The following VIT variants were observed in gnomAD, a reference collection of about 807,000 sequenced individuals.
VIT encodes the protein vitrin.
Under a neutral mutation model 78.0 loss-of-function variants are expected in VIT, and 99 were observed. The observed-to-expected ratio is 1.27, with a 90% CI of 1.08 to 1.50. The LOEUF is 1.50. VIT is among the 40% of genes most tolerant of loss of function. The pLI is 0.00. For synonymous variants in VIT, 374 were observed against 334.3 expected (o/e 1.12, Z -1.29); for missense variants, 1,126 against 875.3 (o/e 1.29, Z -3.61).
At chr2:36,741,447 T>C (rs535518807) in intron 3 of VIT, among the ~76,000 whole-genome samples, 2 of 152,256 alleles carry the variant, frequency 1.3e-5, no homozygotes, top group African/African-American at 4.8e-5. Context: ...CAGCAGAAGT[T>C]CCCTGTTGGC....
In VIT at chr2:36,814,542, A is replaced by G. The variant is rs945901615; in HGVS notation, c.*181A>G. On this transcript the variant is annotated 3_prime_UTR_variant, in exon 16 of 16. Coordinates refer to ENST00000379242, the MANE Select transcript of VIT (RefSeq NM_053276.4). ...TATTCCAAAACTTGGAGTTACAAAG[A>G]TGATCACAAACGTATAGAATGAGCC... 5.3e-6 allele frequency: 4 copies of G among 757,400 alleles called. No homozygotes were observed. Among genetic ancestry groups the G allele is most frequent in the Non-Finnish European group, 8.2e-6 (4 of 489,692 alleles). The allele number at this position is 757,400 out of a possible 1,614,324, so 46.9% of individuals were successfully genotyped here.
rs149116475 is a variant in VIT at position 36,741,033 on chromosome 2, C to G, written c.119-2067C>G. 2.1e-3 allele frequency among the ~76,000 whole-genome samples: 327 copies of G among 152,350 alleles called. 1 individual carries two copies. The highest frequency in any genetic ancestry group is 3.5e-3 in the Non-Finnish European group (237 of 68,038). Reference sequence around the variant, plus strand: ...TTTAATCTTAATGCACACAGCTTGTCACTTCCTATTTCAAAAAATTAAGAA... The same window carrying G: ...TTTAATCTTAATGCACACAGCTTGTGACTTCCTATTTCAAAAAATTAAGAA... On this transcript the variant is annotated intron_variant, in intron 3 of 15. Transcript: ENST00000379242.
chr2:36,805,518 GT>G lies in VIT; in HGVS notation c.1244del (p.Val415GlyfsTer76). On this transcript the variant is annotated frameshift_variant, in exon 14 of 16. Transcript: ENST00000379242. LOFTEE classifies it high-confidence loss of function. ...AAGCGGGGCTCCCAATGTGGTGGTG[GT>G]GATGGTGGATGGCTGGCCCACGGAC... ...NRSGAPNVVVVMVDGWPTDKV... is the reference protein window; with the variant it reads ...NRSGAPNVVVXMVDGWPTDKV... The G allele has an allele frequency of 6.2e-7, 1 of 1,614,108 alleles. No individual in the cohort carries two copies. The highest frequency in any genetic ancestry group is 1.3e-5 in the African/African-American group (1 of 75,018).
At chr2:36,713,458 G>T (rs1360138140) in intron 1 of VIT, among the ~76,000 whole-genome samples, 7 of 152,234 alleles carry the variant, frequency 4.6e-5, no homozygotes, top group Non-Finnish European at 8.8e-5. Flanking sequence ...AAAGACTTCG[G>T]CTTTTCTTCT....
intron 5 of VIT, among the ~76,000 whole-genome samples, chr2:36,756,175 C>T (rs1417780663): frequency 6.6e-6 from 1 of 152,044 alleles, no homozygotes; most frequent in East Asian, 1.9e-4. Flanking sequence ...TCAGGCTGGT[C>T]TCGAGCTCCT....
At chr2:36,801,014 G>A (rs1317612300) in intron 12 of VIT, among the ~76,000 whole-genome samples, 2 of 152,236 alleles carry the variant, frequency 1.3e-5, no homozygotes, top group South Asian at 2.1e-4. Flanking sequence ...TAGCAATATG[G>A]GTGTTATAAC....
intron 11 of VIT, among the ~76,000 whole-genome samples, chr2:36,786,338 C>G (rs2148630959): frequency 6.6e-6 from 1 of 152,306 alleles, no homozygotes. Flanking sequence ...GATATCATTC[C>G]TGTCTACCGC....
chr2:36,773,764 G>A (rs1187454551), intron 7 of VIT, 27 bp from the exon 8 acceptor site: 1 of 1,547,582 alleles, frequency 6.5e-7, no homozygotes, highest in South Asian at 1.3e-5. Context: ...TAAAATTCAT[G>A]CTCTGACCAG....
chr2:36,775,007 CA>C lies in VIT; in HGVS notation c.745del (p.Arg249GlyfsTer32), dbSNP rs1558561221. On this transcript the variant is annotated frameshift_variant, in exon 9 of 16. Transcript: ENST00000379242. LOFTEE classifies it high-confidence loss of function. The stretch of plus-strand genomic sequence containing the variant: ...ACCCTGTGTAATCCCCTCAGGTATC[CA>C]AAGGCAAGATCCTTCAGGAGCTGCC... ...QNRPRADPGIQRQDPSGAAFQ... is the reference protein window; with the variant it reads ...QNRPRADPGIXRQDPSGAAFQ... 2 of 1,614,104 alleles carry C rather than the reference CA, an allele frequency of 1.2e-6. No homozygotes were observed. The highest frequency in any genetic ancestry group is 1.7e-6 in the Non-Finnish European group (2 of 1,180,002).
intron 1 of VIT, among the ~76,000 whole-genome samples, chr2:36,698,751 C>T (rs1421839132): frequency 6.6e-6 from 1 of 152,106 alleles, no homozygotes; most frequent in Non-Finnish European, 1.5e-5. Flanking sequence ...CGAGACCAGC[C>T]TGGCCAACAT....
rs150137117 is a variant in VIT at position 36,768,812 on chromosome 2, A to T, written c.679+1527A>T. Among the ~76,000 whole-genome samples the T allele has an allele frequency of 3.0e-3, 450 of 152,314 alleles. 2 individuals are homozygous for T. The highest frequency in any genetic ancestry group is 0.01 in the African/African-American group (435 of 41,566). On this transcript the variant is annotated intron_variant, in intron 7 of 15. Transcript: ENST00000379242. ...AACTTCTTCTTGAATTAATAATAAC[A>T]GAATGCATGTAGTACATATATCTCA...
At chr2:36,763,895 G>T (rs4670602) in intron 6 of VIT, among the ~76,000 whole-genome samples, 1 of 152,166 alleles carries the variant, frequency 6.6e-6, no homozygotes, top group Non-Finnish European at 1.5e-5. Context: ...AAAGACAGTT[G>T]TAATCCATGA....
chr2:36,809,072 T>C, intron 15 of VIT, 87 bp downstream of exon 15: 1 of 1,486,322 alleles, frequency 6.7e-7, no homozygotes, highest in Non-Finnish European at 9.0e-7. Context: ...ATTGTCTTTT[T>C]ATGCATTGGT....
At position 36,731,630 on chromosome 2, in the gene VIT, G is replaced by GA. The variant is rs1373786898; in HGVS notation, c.118+2147dup. The stretch of plus-strand genomic sequence containing the variant: ...TAAAAGTAAGGGCTATTATTACTAT[G>GA]AAAAAAAAGAAGAATTGATATTGGG... On this transcript the variant is annotated intron_variant, in intron 3 of 15. Coordinates refer to ENST00000379242, the MANE Select transcript of VIT (RefSeq NM_053276.4). Among the ~76,000 whole-genome samples, 12 of 151,700 alleles carry GA rather than the reference G, an allele frequency of 7.9e-5. No individual in the cohort carries two copies. The East Asian group carries it at 2.1e-3, about 27-fold the overall frequency.
At chr2:36,757,363 A>G (rs1159793758) in intron 5 of VIT, among the ~76,000 whole-genome samples, 1 of 152,238 alleles carries the variant, frequency 6.6e-6, no homozygotes, top group African/African-American at 2.4e-5. Context: ...GTCCAGGGAT[A>G]TGAAATGTCA....
At chr2:36,712,120 A>C (rs989778825) in intron 1 of VIT, among the ~76,000 whole-genome samples, 1 of 151,752 alleles carries the variant, frequency 6.6e-6, no homozygotes, top group Non-Finnish European at 1.5e-5. Context: ...CCTCATGCTC[A>C]GCCTTGGCAA....
At chr2:36,701,239 T>A (rs1665037926) in intron 1 of VIT, among the ~76,000 whole-genome samples, 1 of 152,140 alleles carries the variant, frequency 6.6e-6, no homozygotes, top group South Asian at 2.1e-4. Context: ...TTGGATAATC[T>A]CCTTTTTGGG....
rs1026129749 is a variant in VIT, at chr2:36,748,033, G to T, written c.275+4777G>T. 5.9e-5 allele frequency among the ~76,000 whole-genome samples: 9 copies of T among 152,256 alleles called. No homozygotes were observed. The South Asian group carries it at 1.0e-3, about 18-fold the overall frequency. On this transcript the variant is annotated intron_variant, in intron 4 of 15. Transcript: ENST00000379242. ...TTTTGTTGGGATTTCTTTTCTTTAA[G>T]GGTGCTGAGAATAGGCTCCCAATCT...
chr2:36,766,779 A>C (rs1669455750), intron 6 of VIT, among the ~76,000 whole-genome samples: 7 of 152,268 alleles, frequency 4.6e-5, no homozygotes, highest in Admixed American at 4.6e-4. Flanking sequence ...AAATGTACAT[A>C]AACCATTGCT....
Sources: allele counts gnomAD v4.1 joint callset (sites outside exome capture counted in the v4.1 genomes callset), GRCh38; gene constraint gnomAD v4.1.1; transcripts MANE v1.5; gene names NCBI Gene and HGNC (gene_info 2026-07-23, HGNC 2026-07-21).